The following ZCCHC7 variants were observed in gnomAD, a reference collection of about 807,000 sequenced individuals.
ZCCHC7 encodes zinc finger CCHC-type containing 7, also known as zinc finger CCHC domain-containing protein 7.
In ZCCHC7, 35 loss-of-function variants were observed where a neutral mutation model predicts 52.0. The ratio of observed to expected loss-of-function variants is 0.67; its 90% CI spans 0.51 to 0.89. ZCCHC7 has a LOEUF of 0.89. Ranked by LOEUF, ZCCHC7 falls within the 40% of genes least tolerant of loss-of-function variation. The pLI is 0.00. For missense variants in ZCCHC7, 574 were observed against 649.1 expected (o/e 0.88, Z 1.26); for synonymous variants, 217 against 221.5 (o/e 0.98, Z 0.18).
chr9:37,301,513 T>C (rs2133692136), intron 2 of ZCCHC7, among the ~76,000 whole-genome samples: 1 of 152,184 alleles, frequency 6.6e-6, no homozygotes, highest in African/African-American at 2.4e-5. Flanking sequence ...TGTGGGAGGA[T>C]TGCTTAAGCC....
chr9:37,233,801 A>G (rs1825514970), intron 2 of ZCCHC7, among the ~76,000 whole-genome samples: 1 of 152,310 alleles, frequency 6.6e-6, no homozygotes, highest in Non-Finnish European at 1.5e-5. Flanking sequence ...AACCAAAGGA[A>G]AGAAAGAAAA....
At chr9:37,145,873 A>T (rs1416782557) in intron 2 of ZCCHC7, among the ~76,000 whole-genome samples, 5 of 151,972 alleles carry the variant, frequency 3.3e-5, no homozygotes, top group African/African-American at 1.2e-4. Flanking sequence ...AAGGAATATA[A>T]CCCAAAATTA....
chr9:37,256,497 A>G (rs1466586716), intron 2 of ZCCHC7, among the ~76,000 whole-genome samples: 1 of 152,180 alleles, frequency 6.6e-6, no homozygotes, highest in Non-Finnish European at 1.5e-5. Context: ...CTTACTAATA[A>G]TATTCTATAT....
chr9:37,304,185 TAGG>T lies in ZCCHC7; in HGVS notation c.655-2_655del. On this transcript the variant is annotated splice_acceptor_variant and coding_sequence_variant, in exon 4 of 9. Coordinates refer to ENST00000336755, the MANE Select transcript of ZCCHC7 (RefSeq NM_032226.3). LOFTEE classifies it high-confidence loss of function. ...TTTAATTCTTGATTTTTTTTTCCCT[TAGG>T]CCCAGATAGCTAATAACCGAACACC... is the stretch of plus-strand genomic sequence containing the variant. 1 of 1,600,566 alleles carries T rather than the reference TAGG, an allele frequency of 6.2e-7. No homozygotes were observed.
chr9:37,284,372 T>C (rs571667853), intron 2 of ZCCHC7: 2 of 152,356 alleles, frequency 1.3e-5, no homozygotes, highest in South Asian at 4.1e-4. Flanking sequence ...TATATACATA[T>C]TTATGTGTGT....
chr9:37,326,943 A>T (rs1588675765), intron 5 of ZCCHC7: 1 of 152,246 alleles, frequency 6.6e-6, no homozygotes, highest in East Asian at 1.9e-4. Flanking sequence ...GTTACAAACA[A>T]CACACTTTTT....
chr9:37,301,019 A>T (rs1829009143), intron 2 of ZCCHC7, among the ~76,000 whole-genome samples: 1 of 151,970 alleles, frequency 6.6e-6, no homozygotes, highest in African/African-American at 2.4e-5. Context: ...GCTGTTTTTG[A>T]TGTTATAAAA....
At chr9:37,226,154 C>T (rs1215177604) in intron 2 of ZCCHC7, among the ~76,000 whole-genome samples, 1 of 152,062 alleles carries the variant, frequency 6.6e-6, no homozygotes. Flanking sequence ...ATACTAGCAA[C>T]AAACAATTGG....
rs184876247 is a variant in ZCCHC7 at position 37,199,591 on chromosome 9, C to A, written c.610+72649C>A. Among the ~76,000 whole-genome samples, 32 of 151,600 alleles carry A rather than the reference C, an allele frequency of 2.1e-4. No individual in the cohort carries two copies. The East Asian group carries it at 5.8e-3, about 28-fold the overall frequency. ...CAGGTGATCCACCTGCCTCGGCCTCCCAAAGTGCTGGGATTACAGGCGTGA... is the reference window on the plus strand; with the variant it reads ...CAGGTGATCCACCTGCCTCGGCCTCACAAAGTGCTGGGATTACAGGCGTGA... On this transcript the variant is annotated intron_variant, in intron 2 of 8. Coordinates refer to ENST00000336755, the MANE Select transcript of ZCCHC7 (RefSeq NM_032226.3).
In ZCCHC7 at chr9:37,304,253, C is replaced by T. The variant is rs1383318596; in HGVS notation, c.720C>T (p.Asn240=). 3 of 1,613,762 alleles carry T rather than the reference C, an allele frequency of 1.9e-6. No individual in the cohort carries two copies. The highest frequency in any genetic ancestry group is 2.5e-6 in the Non-Finnish European group (3 of 1,179,840). ...WTQRYYSANK[N]IICRNCDKRG... ...AGCGGTACTATTCAGCCAACAAAAA[C>T]ATTATCTGTAGAAATTGTGACAAAC... The change falls in exon 4 of 9, where the codon AAC becomes AAT. Residue 240 remains asparagine, a synonymous_variant. Transcript: ENST00000336755.
At chr9:37,145,667 A>G (rs948258249) in intron 2 of ZCCHC7, among the ~76,000 whole-genome samples, 2 of 151,946 alleles carry the variant, frequency 1.3e-5, no homozygotes, top group African/African-American at 4.8e-5. Flanking sequence ...GAGTTCAGAA[A>G]ATAGGAGCAT....
At chr9:37,327,607 G>A (rs1830300498) in intron 5 of ZCCHC7, 192 bp from the exon 6 acceptor site, 2 of 486,036 alleles carry the variant, frequency 4.1e-6, no homozygotes, top group Non-Finnish European at 7.4e-6. Flanking sequence ...CAATGGCGGG[G>A]AGTGTGTTAA....
intron 2 of ZCCHC7, among the ~76,000 whole-genome samples, chr9:37,196,532 A>G (rs1823296737): frequency 6.6e-6 from 1 of 152,184 alleles, no homozygotes; most frequent in Non-Finnish European, 1.5e-5. Flanking sequence ...GACTTATTAT[A>G]GTAGAACCTA....
intron 6 of ZCCHC7, among the ~76,000 whole-genome samples, chr9:37,337,198 A>C (rs1830711044): frequency 6.6e-6 from 1 of 152,170 alleles, no homozygotes; most frequent in African/African-American, 2.4e-5. Context: ...AGATTAAAAA[A>C]CAGCACTAAA....
chr9:37,328,511 A>G (rs778185801), intron 6 of ZCCHC7, among the ~76,000 whole-genome samples: 7 of 151,988 alleles, frequency 4.6e-5, no homozygotes, highest in African/African-American at 9.7e-5. Context: ...GTAATTCACC[A>G]TAGCCCTACT....
chr9:37,311,229 G>C (rs533912812), intron 5 of ZCCHC7, among the ~76,000 whole-genome samples: 2 of 152,140 alleles, frequency 1.3e-5, no homozygotes, highest in East Asian at 3.9e-4. Flanking sequence ...GACTGAGTTA[G>C]TCAGTGTCAG....
At chr9:37,238,932 A>G (rs568703479) in intron 2 of ZCCHC7, among the ~76,000 whole-genome samples, 1 of 152,314 alleles carries the variant, frequency 6.6e-6, no homozygotes, top group African/African-American at 2.4e-5. Context: ...TGAAAAGTAA[A>G]CAAATTCTCT....
chr9:37,345,720 A>C (rs78692886), intron 6 of ZCCHC7, among the ~76,000 whole-genome samples: 5 of 70,296 alleles, frequency 7.1e-5, no homozygotes, highest in African/African-American at 1.3e-4. Flanking sequence ...ACTCCATCTC[A>C]AAAAAAAAAA....
chr9:37,325,114 A>G (rs1221709519), intron 5 of ZCCHC7, among the ~76,000 whole-genome samples: 1 of 152,230 alleles, frequency 6.6e-6, no homozygotes, highest in Non-Finnish European at 1.5e-5. Context: ...TTTGAATTTT[A>G]TGAATAATAA....
Sources: gnomAD v4.1 joint callset for allele counts (sites outside exome capture counted in the v4.1 genomes callset) on GRCh38, gnomAD v4.1.1 for gene constraint, MANE v1.5 for transcripts, NCBI Gene and HGNC (gene_info 2026-07-23, HGNC 2026-07-21) for gene names.